Variants in KIAA1671 observed in about 807,000 individuals in gnomAD.
KIAA1671 encodes KIAA1671.
In KIAA1671, 52 loss-of-function variants were observed where a neutral mutation model predicts 131.2. The ratio of observed to expected loss-of-function variants is 0.40; its 90% CI spans 0.32 to 0.50. KIAA1671 has a LOEUF of 0.50. Ranked by LOEUF, KIAA1671 falls within the 20% of genes least tolerant of loss-of-function variation. KIAA1671 has a pLI of 0.73. For missense variants in KIAA1671, 2,360 were observed against 2,364.2 expected (o/e 1.00, Z 0.04); for synonymous variants, 1,003 against 961.6 (o/e 1.04, Z -0.80).
Position 25,029,304 on chromosome 22 carries a change from G to T in KIAA1671, c.1305G>T (p.Arg435Ser). The change falls in exon 3 of 13, where the codon AGG becomes AGT. Residue 435 changes from arginine (R) to serine (S), a missense_variant. Coordinates refer to ENST00000358431, the MANE Select transcript of KIAA1671 (RefSeq NM_001145206.2). ...CAGGGGGAGAGTGGGCCTCCAGGAG[G>T]AGTGTCAGGAAGTGCATCAGCCTGT... The part of the protein sequence containing the change: ...AAAGGEWASR[R>S]SVRKCISLFR... 4 of 1,530,456 alleles carry T rather than the reference G, an allele frequency of 2.6e-6. No homozygotes were observed. Among genetic ancestry groups the T allele is most frequent in the Non-Finnish European group, 2.6e-6 (3 of 1,134,226 alleles). The allele number at this position is 1,530,456 out of a possible 1,614,324, so 94.8% of individuals were successfully genotyped here.
At chr22:24,973,798 C>T (rs1418396119) in intron 1 of KIAA1671, among the ~76,000 whole-genome samples, 2 of 151,932 alleles carry the variant, frequency 1.3e-5, no homozygotes, top group Non-Finnish European at 1.5e-5. Flanking sequence ...CTGCCATGTC[C>T]CAAGTACAGT....
intron 6 of KIAA1671, among the ~76,000 whole-genome samples, chr22:25,149,686 T>G (rs1458113839): frequency 6.6e-6 from 1 of 152,214 alleles, no homozygotes; most frequent in Non-Finnish European, 1.5e-5. Context: ...GCCTCTCACC[T>G]GGACAGTGGT....
chr22:25,144,877 G>A (rs974848745), intron 6 of KIAA1671, among the ~76,000 whole-genome samples: 1 of 151,090 alleles, frequency 6.6e-6, no homozygotes, highest in Non-Finnish European at 1.5e-5. Flanking sequence ...ACCTTTTCAG[G>A]GCTCTGGTGT....
chr22:25,188,379 G>A (rs1934547534), intron 11 of KIAA1671, among the ~76,000 whole-genome samples: 2 of 151,936 alleles, frequency 1.3e-5, no homozygotes, highest in South Asian at 2.1e-4. Context: ...ACAAAAGGCA[G>A]CTCTGTATGC....
intron 1 of KIAA1671, among the ~76,000 whole-genome samples, chr22:24,956,804 G>A (rs1364331513): frequency 2.6e-5 from 4 of 151,660 alleles, no homozygotes; most frequent in Admixed American, 6.6e-5. Context: ...CTGGCGAGGC[G>A]GAGCTTACAG....
At chr22:25,024,454 A>C (rs1278027588) in intron 1 of KIAA1671, 2 of 152,164 alleles carry the variant, frequency 1.3e-5, no homozygotes, top group African/African-American at 4.8e-5. Context: ...TGGTAGATTG[A>C]GCCTCTGGCT....
At chr22:25,152,106 A>G (rs752299058) in intron 6 of KIAA1671, among the ~76,000 whole-genome samples, 9 of 152,132 alleles carry the variant, frequency 5.9e-5, no homozygotes, top group South Asian at 4.1e-4. Context: ...TAGCTGCGCT[A>G]TATTCTATTT....
chr22:25,188,445 CGGGTGT>C (rs1359382462), intron 11 of KIAA1671, among the ~76,000 whole-genome samples: 5 of 114,872 alleles, frequency 4.4e-5, no homozygotes, highest in African/African-American at 1.7e-4. Flanking sequence ...CAGAGCCAAT[CGGGTGT>C]GTGTGTGTGT....
chr22:24,997,903 G>A (rs984966743), intron 1 of KIAA1671, among the ~76,000 whole-genome samples: 4 of 152,032 alleles, frequency 2.6e-5, no homozygotes, highest in Admixed American at 1.3e-4. Context: ...TCTACCTTCC[G>A]TTACCCTAGA....
intron 6 of KIAA1671, among the ~76,000 whole-genome samples, chr22:25,094,346 A>G (rs1161776433): frequency 6.6e-6 from 1 of 151,964 alleles, no homozygotes; most frequent in African/African-American, 2.4e-5. Flanking sequence ...GGCTTTGTGG[A>G]GTGAATGAAT....
intron 6 of KIAA1671, among the ~76,000 whole-genome samples, chr22:25,092,161 T>A (rs1340819576): frequency 6.6e-6 from 1 of 152,120 alleles, no homozygotes; most frequent in East Asian, 1.9e-4. Context: ...GATAAATAAT[T>A]CCAAATACAG....
rs1930185200 is a variant in KIAA1671, at chr22:25,093,748, C to CTCTCTT, written c.4530+44389_4530+44390insTTCTCT. ...ACACACACACACACACTCTCTCTCT[C>CTCTCTT]TCTCTCTCTCTCTCTCTCTGTCTCT... is the stretch of plus-strand genomic sequence containing the variant. On this transcript the variant is annotated intron_variant, in intron 6 of 12. Coordinates refer to ENST00000358431, the MANE Select transcript of KIAA1671 (RefSeq NM_001145206.2). 2.0e-4 allele frequency among the ~76,000 whole-genome samples: 22 copies of CTCTCTT among 111,398 alleles called. 1 individual carries two copies. Among genetic ancestry groups the CTCTCTT allele is most frequent in the Non-Finnish European group, 9.5e-5 (5 of 52,884 alleles). 73.1% of individuals were successfully genotyped at this position (111,398 alleles called of 152,430 possible). A position where few individuals can be genotyped will look rare whatever the true frequency, so the allele number is the denominator to read the frequency against.
At chr22:25,021,940 C>T (rs932305848) in intron 1 of KIAA1671, among the ~76,000 whole-genome samples, 2 of 152,150 alleles carry the variant, frequency 1.3e-5, no homozygotes, top group African/African-American at 4.8e-5. Flanking sequence ...GCACCCGCCA[C>T]CACGCCCAGC....
intron 8 of KIAA1671, chr22:25,177,064 T>C (rs1417802783): frequency 5.2e-6 from 2 of 383,032 alleles, no homozygotes; most frequent in Non-Finnish European, 9.5e-6. Context: ...GGAAAAGGCA[T>C]TTGTATTATG....
At position 25,151,796 on chromosome 22, in the gene KIAA1671, T is replaced by A. The variant is rs1262668337; in HGVS notation, c.4531-19024T>A. ...CTCTGTTGCCCGGGCAGGAGTGTGG[T>A]GGTGCTATCTTGACTCACTACAGCC... On this transcript the variant is annotated intron_variant, in intron 6 of 12. Coordinates refer to ENST00000358431, the MANE Select transcript of KIAA1671 (RefSeq NM_001145206.2). 2.0e-5 allele frequency among the ~76,000 whole-genome samples: 3 copies of A among 152,046 alleles called. 1 individual carries two copies. Among genetic ancestry groups the A allele is most frequent in the Admixed American group, 6.6e-5 (1 of 15,258 alleles).
At chr22:24,985,197 C>T (rs1373972373) in intron 1 of KIAA1671, among the ~76,000 whole-genome samples, 2 of 152,122 alleles carry the variant, frequency 1.3e-5, no homozygotes, top group African/African-American at 2.4e-5. Context: ...TATCAATTTT[C>T]CCACACTGGG....
chr22:24,980,692 A>G (rs1569197493), intron 1 of KIAA1671, among the ~76,000 whole-genome samples: 1 of 152,176 alleles, frequency 6.6e-6, no homozygotes, highest in South Asian at 2.1e-4. Context: ...TATTCATACC[A>G]ACAGTGCACA....
chr22:25,091,874 CA>C (rs1232517702), intron 6 of KIAA1671, among the ~76,000 whole-genome samples: 1 of 152,166 alleles, frequency 6.6e-6, no homozygotes, highest in Non-Finnish European at 1.5e-5. Flanking sequence ...TCATCTTCAT[CA>C]CCGTCTTGTG....
intron 1 of KIAA1671, among the ~76,000 whole-genome samples, chr22:24,966,230 C>G (rs1329170187): frequency 6.6e-6 from 1 of 152,184 alleles, no homozygotes; most frequent in Admixed American, 6.5e-5. Context: ...TTTGCTTCCT[C>G]AGGGAGGAAA....
Sources: gnomAD v4.1 joint callset for allele counts (sites outside exome capture counted in the v4.1 genomes callset) on GRCh38, gnomAD v4.1.1 for gene constraint, MANE v1.5 for transcripts, NCBI Gene and HGNC (gene_info 2026-07-23, HGNC 2026-07-21) for gene names.